The following CCDC171 variants were observed in gnomAD, a reference collection of about 807,000 sequenced individuals.
CCDC171 encodes coiled-coil domain containing 171, also known as coiled-coil domain-containing protein 171.
A neutral mutation model predicts 168.2 loss-of-function variants in CCDC171; 177 were observed. The ratio of observed to expected loss-of-function variants is 1.05; its 90% CI spans 0.93 to 1.19. The LOEUF is 1.19. Ranked by LOEUF, CCDC171 falls within the 50% of genes most tolerant of loss-of-function variation. The pLI is 0.00. For synonymous variants in CCDC171, 687 were observed against 540.8 expected (o/e 1.27, Z -3.75); for missense variants, 1,991 against 1,539.0 (o/e 1.29, Z -4.91).
chr9:15,978,391 A>C (rs536726690), downstream of CCDC171, among the ~76,000 whole-genome samples: 3 of 152,264 alleles, frequency 2.0e-5, no homozygotes, highest in African/African-American at 4.8e-5. Context: ...ACTACATCAT[A>C]ATGTGTGTGA....
At chr9:15,864,212 C>T in intron 23 of CCDC171, among the ~76,000 whole-genome samples, 1 of 151,892 alleles carries the variant, frequency 6.6e-6, no homozygotes, top group East Asian at 1.9e-4. Flanking sequence ...TTCCTTAGTC[C>T]ATCATTTTTG....
chr9:16,080,711 T>A, the CCDC171 span, among the ~76,000 whole-genome samples: 1 of 152,132 alleles, frequency 6.6e-6, no homozygotes, highest in Non-Finnish European at 1.5e-5. Context: ...CCTAGGACTC[T>A]GGGATTCTTT....
rs147118481 is a variant in CCDC171, at chr9:15,817,465, G to T, written c.3268-29237G>T. Among the ~76,000 whole-genome samples, 2 of 117,712 alleles carry T rather than the reference G, an allele frequency of 1.7e-5. 1 individual carries two copies. The highest frequency in any genetic ancestry group is 6.4e-5 in the African/African-American group (2 of 31,252). 77.2% of individuals were successfully genotyped at this position (117,712 alleles called of 152,430 possible). On this transcript the variant is annotated intron_variant, in intron 21 of 25. Coordinates refer to ENST00000380701, the MANE Select transcript of CCDC171 (RefSeq NM_173550.4). Reference sequence around the variant, plus strand: ...CCTAGTCAAAGAAAGGAGTGACAGAGGGCACCTGGAAAATTGGGTCACTCC... The same window carrying T: ...CCTAGTCAAAGAAAGGAGTGACAGATGGCACCTGGAAAATTGGGTCACTCC...
chr9:15,816,025 G>A (rs1470182529), intron 21 of CCDC171, among the ~76,000 whole-genome samples: 1 of 117,568 alleles, frequency 8.5e-6, no homozygotes, highest in African/African-American at 3.2e-5. Context: ...TTTCATTTTT[G>A]TTAGCCTGAA....
rs752177810 is a variant in CCDC171, at chr9:15,971,810, A to C, written c.3955A>C (p.Asn1319His). The change falls in exon 26 of 26, where the codon AAC (asparagine) becomes CAC (histidine). Residue 1319 changes from asparagine (N) to histidine (H), a missense_variant. Coordinates refer to ENST00000380701, the MANE Select transcript of CCDC171 (RefSeq NM_173550.4). Reference protein sequence around the residue: ...SSPVTMSANANRPTQIGL With the variant: ...SSPVTMSANAHRPTQIGL ...TCCAGTGACTATGTCTGCTAATGCC[A>C]ACAGACCAACTCAGATTGGATTATG... The C allele has an allele frequency of 7.9e-5, 128 of 1,613,438 alleles. No individual in the cohort carries two copies. The highest frequency in any genetic ancestry group is 1.0e-4 in the Non-Finnish European group (122 of 1,179,490).
chr9:15,590,761 TTC>T (rs1410396958), intron 4 of CCDC171, among the ~76,000 whole-genome samples: 2 of 126,450 alleles, frequency 1.6e-5, no homozygotes, highest in Non-Finnish European at 3.4e-5. Context: ...TTTTTCTTCT[TTC>T]TTTCTTTCTC....
intron 7 of CCDC171, among the ~76,000 whole-genome samples, chr9:15,627,718 G>A (rs202321): frequency 0.054 from 8,228 of 152,256 alleles, 268 homozygotes; most frequent in African/African-American, 0.089. Flanking sequence ...TATATTTGCT[G>A]AGGAGTGCTT....
intron 16 of CCDC171, 59 bp downstream of exon 16, chr9:15,729,857 C>CA: frequency 8.4e-7 from 1 of 1,193,758 alleles, no homozygotes; most frequent in Non-Finnish European, 1.1e-6. Context: ...CCATTAGAAA[C>CA]TTTTTTTTTT....
chr9:16,008,036 T>C (rs906092988), intron 3 of CCDC171, among the ~76,000 whole-genome samples: 9 of 152,238 alleles, frequency 5.9e-5, no homozygotes, highest in Admixed American at 2.6e-4. Flanking sequence ...ATTATCTTTT[T>C]ACTTCTTTAT....
At position 15,817,385 on chromosome 9, in the gene CCDC171, G is replaced by T. The variant is rs1463477915; in HGVS notation, c.3268-29317G>T. 1.7e-5 allele frequency among the ~76,000 whole-genome samples: 2 copies of T among 118,090 alleles called. 1 individual carries two copies. The highest frequency in any genetic ancestry group is 6.4e-5 in the African/African-American group (2 of 31,490). The allele number at this position is 118,090 out of a possible 152,430, so 77.5% of individuals were successfully genotyped here. On this transcript the variant is annotated intron_variant, in intron 21 of 25. Transcript: ENST00000380701. ...TGCAGTGCAGCAAGCATGAGCCGAAGCAGGGCGAGGCATTGCGTCACCCGG... is the reference window on the plus strand; with the variant it reads ...TGCAGTGCAGCAAGCATGAGCCGAATCAGGGCGAGGCATTGCGTCACCCGG...
chr9:15,990,495 T>G (rs1161892575), intron 3 of CCDC171, among the ~76,000 whole-genome samples: 6 of 152,102 alleles, frequency 3.9e-5, no homozygotes, highest in Admixed American at 2.6e-4. Flanking sequence ...AGACCATCGA[T>G]GCTAGGAAGA....
At chr9:15,668,818 A>C (rs1001008674) in intron 9 of CCDC171, among the ~76,000 whole-genome samples, 35 of 152,210 alleles carry the variant, frequency 2.3e-4, no homozygotes, top group African/African-American at 8.2e-4. Context: ...ATGATTCTGA[A>C]TTTTTTAAAT....
chr9:15,737,709 A>C (rs1312300674), intron 16 of CCDC171, among the ~76,000 whole-genome samples: 2 of 152,194 alleles, frequency 1.3e-5, no homozygotes, highest in Non-Finnish European at 2.9e-5. Flanking sequence ...TTTTTGGCAC[A>C]TATTTTTGAT....
At chr9:15,880,278 A>G (rs1165998666) in intron 24 of CCDC171, among the ~76,000 whole-genome samples, 2 of 152,186 alleles carry the variant, frequency 1.3e-5, no homozygotes, top group East Asian at 1.9e-4. Context: ...GGATTATCCA[A>G]AGTTGTTGTC....
intron 21 of CCDC171, among the ~76,000 whole-genome samples, chr9:15,803,113 G>T (rs577687270): frequency 4.6e-5 from 7 of 151,536 alleles, no homozygotes; most frequent in Non-Finnish European, 1.0e-4. Context: ...TGGTTGGTTG[G>T]TTGTTTGTTT....
chr9:15,856,311 C>A (rs1274930145), intron 23 of CCDC171, among the ~76,000 whole-genome samples: 1 of 151,834 alleles, frequency 6.6e-6, no homozygotes, highest in Non-Finnish European at 1.5e-5. Context: ...AAGCTTTATA[C>A]CTATTTATTA....
At chr9:15,730,619 T>C (rs1332374832) in intron 16 of CCDC171, among the ~76,000 whole-genome samples, 1 of 151,752 alleles carries the variant, frequency 6.6e-6, no homozygotes, top group Non-Finnish European at 1.5e-5. Context: ...TAATTAAAAA[T>C]AACCAAACTA....
At chr9:15,701,480 G>A (rs2051729766) in intron 11 of CCDC171, among the ~76,000 whole-genome samples, 1 of 151,852 alleles carries the variant, frequency 6.6e-6, no homozygotes, top group East Asian at 1.9e-4. Flanking sequence ...AGATGACAGT[G>A]ATGAAGTTTG....
At chr9:15,675,187 GTTTTTTTTTT>G (rs138989790) in intron 9 of CCDC171, among the ~76,000 whole-genome samples, 2 of 75,530 alleles carry the variant, frequency 2.6e-5, no homozygotes, top group African/African-American at 5.6e-5. Flanking sequence ...TGCAACTCCT[GTTTTTTTTTT>G]TTTTTTTTTT....
Sources: allele counts gnomAD v4.1 joint callset (sites outside exome capture counted in the v4.1 genomes callset), GRCh38; gene constraint gnomAD v4.1.1; transcripts MANE v1.5; gene names NCBI Gene and HGNC (gene_info 2026-07-23, HGNC 2026-07-21).